IMMP2L: variants seen among roughly 807,000 people sequenced by gnomAD.
IMMP2L encodes the protein inner mitochondrial membrane peptidase subunit 2.
In IMMP2L, 18 loss-of-function variants were observed where a neutral mutation model predicts 19.3. That is an observed-to-expected ratio of 0.93 (90% CI 0.64 to 1.38). IMMP2L has a LOEUF of 1.38. Ranked by LOEUF, IMMP2L falls within the 40% of genes most tolerant of loss-of-function variation. IMMP2L has a pLI of 0.00. For missense variants in IMMP2L, 233 were observed against 218.2 expected (o/e 1.07, Z -0.43); for synonymous variants, 76 against 73.0 (o/e 1.04, Z -0.21).
chr7:110,920,074 T>C (rs566171884), intron 4 of IMMP2L, among the ~76,000 whole-genome samples: 1 of 152,286 alleles, frequency 6.6e-6, no homozygotes, highest in East Asian at 1.9e-4. Context: ...CAGGGGCTCT[T>C]GGGCCTTTGG....
chr7:111,346,091 A>C (rs1168168722), intron 3 of IMMP2L, among the ~76,000 whole-genome samples: 1 of 152,178 alleles, frequency 6.6e-6, no homozygotes, highest in Non-Finnish European at 1.5e-5. Context: ...TCATTGCTAT[A>C]TTTCAATGAT....
chr7:111,282,170 T>TA (rs966620110), intron 3 of IMMP2L, among the ~76,000 whole-genome samples: 5 of 152,036 alleles, frequency 3.3e-5, no homozygotes, highest in Non-Finnish European at 7.4e-5. Flanking sequence ...AGCACACACA[T>TA]AAAAAAATTA....
intron 3 of IMMP2L, among the ~76,000 whole-genome samples, chr7:111,107,031 A>T (rs1798625030): frequency 6.6e-6 from 1 of 152,004 alleles, no homozygotes; most frequent in South Asian, 2.1e-4. Flanking sequence ...AAAACAATCA[A>T]AGTTTCTATT....
At chr7:111,189,514 T>G (rs1159613960) in intron 3 of IMMP2L, among the ~76,000 whole-genome samples, 1 of 152,002 alleles carries the variant, frequency 6.6e-6, no homozygotes, top group African/African-American at 2.4e-5. Flanking sequence ...TACACTCTAC[T>G]CATAGATTAT....
intron 5 of IMMP2L, among the ~76,000 whole-genome samples, chr7:110,779,594 G>A (rs1349109158): frequency 6.6e-6 from 1 of 151,860 alleles, no homozygotes; most frequent in Non-Finnish European, 1.5e-5. Flanking sequence ...AGTCTACAAT[G>A]CACAGATTTG....
intron 5 of IMMP2L, among the ~76,000 whole-genome samples, chr7:110,689,204 C>A (rs190070777): frequency 1.3e-5 from 2 of 152,222 alleles, no homozygotes; most frequent in African/African-American, 4.8e-5. Context: ...GGCTTCACCA[C>A]TGAATTTTGT....
chr7:111,112,504 C>T (rs1474337814), intron 3 of IMMP2L, among the ~76,000 whole-genome samples: 1 of 152,178 alleles, frequency 6.6e-6, no homozygotes, highest in Non-Finnish European at 1.5e-5. Flanking sequence ...TGCACACAGC[C>T]ATAAATATGG....
chr7:111,180,879 T>C (rs1271935116), intron 3 of IMMP2L, among the ~76,000 whole-genome samples: 2 of 152,056 alleles, frequency 1.3e-5, no homozygotes, highest in Non-Finnish European at 2.9e-5. Flanking sequence ...GTTTCCTGGA[T>C]ACAAAAATAT....
rs1171582416 is a variant in IMMP2L, at chr7:111,281,202, GA to G, written c.239+206035del. ...AGAAAGAAAGAAAGAAAGAAAGAAA[GA>G]AAGAAAGAAAGAAAAAGAAAGAAAG... On this transcript the variant is annotated intron_variant, in intron 3 of 5. Transcript: ENST00000405709. Among the ~76,000 whole-genome samples the G allele has an allele frequency of 4.1e-3, 175 of 42,344 alleles. 7 individuals are homozygous for G. Among genetic ancestry groups the G allele is most frequent in the African/African-American group, 0.011 (136 of 12,516 alleles). The allele number at this position is 42,344 out of a possible 152,430, so 27.8% of individuals were successfully genotyped here.
intron 3 of IMMP2L, among the ~76,000 whole-genome samples, chr7:111,024,508 T>G (rs964517980): frequency 6.6e-6 from 1 of 152,186 alleles, no homozygotes; most frequent in African/African-American, 2.4e-5. Context: ...CTTTCTATGC[T>G]GCATCTTGAA....
chr7:111,472,922 C>G (rs759535475), intron 3 of IMMP2L, among the ~76,000 whole-genome samples: 1 of 148,540 alleles, frequency 6.7e-6, no homozygotes, highest in Non-Finnish European at 1.5e-5. Flanking sequence ...ATGGCGAAAC[C>G]AAGTCTCTAC....
rs879379701 is a variant in IMMP2L, at chr7:111,494,000, C to CA, written c.136-6660_136-6659insT. ...GGGGCGACAGAGCAAGACTCCGTCTCTAAAAAAAATATAGAGCAAGCAATT... is the reference window on the plus strand; with the variant it reads ...GGGGCGACAGAGCAAGACTCCGTCTCATAAAAAAAATATAGAGCAAGCAATT... On this transcript the variant is annotated intron_variant, in intron 2 of 5. Coordinates refer to ENST00000405709, the MANE Select transcript of IMMP2L (RefSeq NM_032549.4). 4.3e-4 allele frequency among the ~76,000 whole-genome samples: 65 copies of CA among 151,058 alleles called. 2 individuals are homozygous for CA. Among genetic ancestry groups the CA allele is most frequent in the African/African-American group, 9.7e-4 (40 of 41,152 alleles).
chr7:111,432,165 G>A (rs1036997006), intron 3 of IMMP2L, among the ~76,000 whole-genome samples: 2 of 151,650 alleles, frequency 1.3e-5, no homozygotes, highest in Non-Finnish European at 2.9e-5. Context: ...CTATCTCCAG[G>A]TAGGTAGTGT....
intron 3 of IMMP2L, among the ~76,000 whole-genome samples, chr7:111,088,142 A>G (rs1272128158): frequency 6.6e-6 from 1 of 152,202 alleles, no homozygotes; most frequent in Non-Finnish European, 1.5e-5. Context: ...AGGCGAATAA[A>G]GCCCAGGATT....
chr7:110,777,400 C>A (rs1489415690), intron 5 of IMMP2L, among the ~76,000 whole-genome samples: 2 of 151,910 alleles, frequency 1.3e-5, no homozygotes, highest in East Asian at 1.9e-4. Context: ...TCATCCGGGA[C>A]AATTTGAAAG....
In IMMP2L at chr7:110,723,877, C is replaced by G. The variant is rs927621239; in HGVS notation, c.409-60156G>C. ...AAAGGGAAAAAAAAAAAAAAAAGAACAGATGTCTCGGAACAGTAATCAAAA... is the reference window on the plus strand; with the variant it reads ...AAAGGGAAAAAAAAAAAAAAAAGAAGAGATGTCTCGGAACAGTAATCAAAA... On this transcript the variant is annotated intron_variant, in intron 5 of 5. Coordinates refer to ENST00000405709, the MANE Select transcript of IMMP2L (RefSeq NM_032549.4). Among the ~76,000 whole-genome samples the G allele has an allele frequency of 2.2e-4, 32 of 145,308 alleles. 1 individual carries two copies. The South Asian group carries it at 6.5e-3, about 29-fold the overall frequency.
Position 111,410,825 on chromosome 7 carries a change from A to G in IMMP2L, c.239+76413T>C, listed in dbSNP as rs556610387. ...AAAATATCAGTGAAGCTGGAAACAT[A>G]GCAACATAAATTATTTTAAACAAAG... On this transcript the variant is annotated intron_variant, in intron 3 of 5. Coordinates refer to ENST00000405709, the MANE Select transcript of IMMP2L (RefSeq NM_032549.4). Among the ~76,000 whole-genome samples, 60 of 151,924 alleles carry G rather than the reference A, an allele frequency of 3.9e-4. No individual in the cohort carries two copies. In the South Asian group the frequency reaches 0.012, roughly 29 times the overall value.
intron 2 of IMMP2L, among the ~76,000 whole-genome samples, chr7:111,492,656 C>T (rs1252137639): frequency 1.3e-5 from 2 of 152,114 alleles, no homozygotes; most frequent in Non-Finnish European, 2.9e-5. Flanking sequence ...CACTCAAATG[C>T]CCAACTTTTC....
intron 3 of IMMP2L, among the ~76,000 whole-genome samples, chr7:111,318,442 A>T (rs1824337968): frequency 6.6e-6 from 1 of 152,182 alleles, no homozygotes; most frequent in Non-Finnish European, 1.5e-5. Flanking sequence ...CAAAAGGAAG[A>T]TCTGGGAAGC....
Sources: gnomAD v4.1 joint callset for allele counts (sites outside exome capture counted in the v4.1 genomes callset) on GRCh38, gnomAD v4.1.1 for gene constraint, MANE v1.5 for transcripts, NCBI Gene and HGNC (gene_info 2026-07-23, HGNC 2026-07-21) for gene names.